HACD2: variants seen among roughly 807,000 people sequenced by gnomAD.
HACD2 encodes the protein very-long-chain (3R)-3-hydroxyacyl-CoA dehydratase 2.
In HACD2, 15 loss-of-function variants were observed where a neutral mutation model predicts 31.0. That is an observed-to-expected ratio of 0.48 (90% CI 0.32 to 0.75). The LOEUF is 0.75. Among genes scored for constraint, HACD2 ranks in the 30% least tolerant of loss-of-function variants. HACD2 has a pLI of 0.03. For synonymous variants in HACD2, 115 were observed against 122.2 expected (o/e 0.94, Z 0.39); for missense variants, 283 against 313.0 (o/e 0.90, Z 0.72).
chr3:123,526,255 G>A (rs1576750704), intron 4 of HACD2, among the ~76,000 whole-genome samples: 1 of 152,362 alleles, frequency 6.6e-6, no homozygotes, highest in Non-Finnish European at 1.5e-5. Context: ...CAAGTTAGCT[G>A]TCGAAGACGT....
chr3:123,562,036 T>C (rs1385186797), intron 3 of HACD2, among the ~76,000 whole-genome samples: 1 of 152,220 alleles, frequency 6.6e-6, no homozygotes, highest in East Asian at 1.9e-4. Context: ...GGTCTCAAAT[T>C]CCTGACCTCA....
At chr3:123,572,316 C>T (rs6781874) in intron 2 of HACD2, among the ~76,000 whole-genome samples, 20,683 of 152,064 alleles carry the variant, frequency 0.14, 3,288 homozygotes, top group African/African-American at 0.34. Context: ...GACCAGCCTG[C>T]GCAACACAGT....
intron 2 of HACD2, among the ~76,000 whole-genome samples, chr3:123,576,577 T>C (rs1470794139): frequency 1.3e-5 from 2 of 152,222 alleles, no homozygotes; most frequent in Non-Finnish European, 2.9e-5. Context: ...ATGTGTTTCC[T>C]CAAAATGGGT....
intron 3 of HACD2, among the ~76,000 whole-genome samples, chr3:123,557,136 T>C (rs2056681118): frequency 6.6e-6 from 1 of 152,066 alleles, no homozygotes; most frequent in Non-Finnish European, 1.5e-5. Context: ...AGCAGGTGAG[T>C]GAGTATCACT....
intron 4 of HACD2, among the ~76,000 whole-genome samples, chr3:123,527,874 C>T (rs71331000): frequency 0.042 from 6,463 of 152,230 alleles, 701 homozygotes; most frequent in East Asian, 0.35. Flanking sequence ...CAGCAGCAAT[C>T]GGGTTGTGTG....
At chr3:123,501,753 C>A (rs2055904928) in intron 5 of HACD2, among the ~76,000 whole-genome samples, 1 of 152,164 alleles carries the variant, frequency 6.6e-6, no homozygotes, top group African/African-American at 2.4e-5. Context: ...CTTCCCCTTT[C>A]CTAATAAAAA....
intron 3 of HACD2, among the ~76,000 whole-genome samples, chr3:123,561,447 A>G (rs578219107): frequency 6.6e-6 from 1 of 152,304 alleles, no homozygotes; most frequent in South Asian, 2.1e-4. Flanking sequence ...TAAGCTTTAG[A>G]TATAACTCTC....
intron 4 of HACD2, among the ~76,000 whole-genome samples, chr3:123,521,907 A>G (rs1576747038): frequency 6.9e-6 from 1 of 144,760 alleles, no homozygotes; most frequent in Admixed American, 6.9e-5. Flanking sequence ...AATCATCATC[A>G]GGGGATATTA....
chr3:123,511,812 T>G (rs2056066735), intron 4 of HACD2, among the ~76,000 whole-genome samples: 1 of 152,228 alleles, frequency 6.6e-6, no homozygotes, highest in Admixed American at 6.5e-5. Flanking sequence ...TCCTATCGGT[T>G]AGGGTATTTG....
At chr3:123,510,151 C>T (rs1043733121) in intron 4 of HACD2, among the ~76,000 whole-genome samples, 4 of 152,194 alleles carry the variant, frequency 2.6e-5, no homozygotes, top group African/African-American at 9.6e-5. Context: ...AATCACTCCA[C>T]ATCTTCCCCT....
chr3:123,561,076 G>A (rs1445846063), intron 3 of HACD2, among the ~76,000 whole-genome samples: 1 of 152,164 alleles, frequency 6.6e-6, no homozygotes, highest in Admixed American at 6.5e-5. Context: ...CCCTCTCAAA[G>A]TAGCGGGGGG....
intron 3 of HACD2, among the ~76,000 whole-genome samples, chr3:123,567,147 A>G (rs760363387): frequency 1.1e-4 from 16 of 152,306 alleles, no homozygotes; most frequent in Admixed American, 4.6e-4. Context: ...CAACTTTCCA[A>G]GACTGGATTT....
chr3:123,542,327 G>T (rs1476347199), intron 3 of HACD2, among the ~76,000 whole-genome samples: 2 of 151,940 alleles, frequency 1.3e-5, no homozygotes, highest in South Asian at 2.1e-4. Flanking sequence ...GCGCATCAAA[G>T]AAACTATTAA....
chr3:123,566,766 G>A (rs528310020), intron 3 of HACD2, among the ~76,000 whole-genome samples: 42 of 152,052 alleles, frequency 2.8e-4, no homozygotes, highest in African/African-American at 8.2e-4. Context: ...GCATGGTGGC[G>A]CACGCCTGTA....
chr3:123,577,620 CAAAAAA>C (rs35024817), intron 2 of HACD2, among the ~76,000 whole-genome samples: 1 of 90,442 alleles, frequency 1.1e-5, no homozygotes, highest in Non-Finnish European at 2.7e-5. Context: ...GACTCTGTCT[CAAAAAA>C]AAAAAAAAAA....
At chr3:123,569,332 A>G (rs2056827889) in intron 2 of HACD2, among the ~76,000 whole-genome samples, 1 of 152,202 alleles carries the variant, frequency 6.6e-6, no homozygotes, top group South Asian at 2.1e-4. Context: ...ATTTGAAACA[A>G]GAAGACAGAT....
intron 3 of HACD2, among the ~76,000 whole-genome samples, chr3:123,564,457 C>G (rs1237548379): frequency 6.6e-6 from 1 of 152,172 alleles, no homozygotes; most frequent in East Asian, 1.9e-4. Flanking sequence ...AGGGCTCAGT[C>G]CAACGAAGGC....
At chr3:123,509,109 G>A (rs1174858657) in intron 4 of HACD2, among the ~76,000 whole-genome samples, 1 of 152,190 alleles carries the variant, frequency 6.6e-6, no homozygotes, top group East Asian at 1.9e-4. Context: ...CAATGCTATA[G>A]ACTAGGTGTT....
rs570821143 is a variant in HACD2, at chr3:123,572,036, T to C, written c.274-4256A>G. ...ATCGTAGGACATCTAGCCAGTAGCA[T>C]CTCCAGTCATTGTGGCAATTGAAAT... On this transcript the variant is annotated intron_variant, in intron 2 of 6. Coordinates refer to ENST00000383657, the MANE Select transcript of HACD2 (RefSeq NM_198402.5). Among the ~76,000 whole-genome samples, 3 of 152,210 alleles carry C rather than the reference T, an allele frequency of 2.0e-5. No individual in the cohort carries two copies. The South Asian group carries it at 6.2e-4, about 32-fold the overall frequency.
Sources: gnomAD v4.1 joint callset for allele counts (sites outside exome capture counted in the v4.1 genomes callset) on GRCh38, gnomAD v4.1.1 for gene constraint, MANE v1.5 for transcripts, NCBI Gene and HGNC (gene_info 2026-07-23, HGNC 2026-07-21) for gene names.